Variants in POC5 observed in about 807,000 individuals in gnomAD.
POC5 encodes the protein centrosomal protein POC5.
In POC5, 48 loss-of-function variants were observed where a neutral mutation model predicts 62.9. That is an observed-to-expected ratio of 0.76 (90% confidence interval 0.61 to 0.97). The LOEUF is 0.97. Ranked by LOEUF, POC5 falls within the 50% of genes least tolerant of loss-of-function variation. The probability of loss-of-function intolerance (pLI) is 0.00; values close to 1 mark genes in which losing one functional copy is unlikely to be tolerated. For missense variants in POC5, 696 were observed against 679.5 expected (o/e 1.02, Z -0.27); for synonymous variants, 236 against 228.2 (o/e 1.03, Z -0.31).
chr5:75,674,538 G>A lies in POC5; in HGVS notation c.1625C>T (p.Thr542Ile). 6.2e-7 allele frequency: 1 copy of A among 1,614,006 alleles called. No individual in the cohort carries two copies. Among genetic ancestry groups the A allele is most frequent in the Non-Finnish European group, 8.5e-7 (1 of 1,179,888 alleles). Residue 542 changes from threonine (T) to isoleucine (I), a missense_variant, in exon 12 of 12, where the codon ACC becomes ATC. Thr to Ile is a moderately conservative substitution (Grantham distance 89, BLOSUM62 -1). Coordinates refer to ENST00000428202, the MANE Select transcript of POC5 (RefSeq NM_001099271.2). ...PQATAAKYPR[T>I]IHPESSTSAS... ...TGAGGTACTACTTTCAGGATGAATG[G>A]TCCGGGGATATTTTGCTGCAGTTGC...
intron 9 of POC5, 87 bp from the exon 10 acceptor site, chr5:75,685,571 A>C (rs540536570): frequency 7.2e-7 from 1 of 1,395,756 alleles, no homozygotes; most frequent in African/African-American, 1.4e-5. Flanking sequence ...TACTGGCTAA[A>C]GTTTGGTCCT....
chr5:75,677,966 A>C lies in POC5; in HGVS notation c.1408-16T>G, dbSNP rs1775736148. On this transcript the variant is annotated splice_polypyrimidine_tract_variant and intron_variant, in intron 10 of 11. Transcript: ENST00000428202. ...TTGGCACATACTAAGAAGAAAAAAA[A>C]ATAAAAGAAGTAACAAGGTGGCAGA... 2 of 1,483,796 alleles carry C rather than the reference A, an allele frequency of 1.3e-6. No homozygotes were observed. The highest frequency in any genetic ancestry group is 1.8e-6 in the Non-Finnish European group (2 of 1,113,052). The allele number at this position is 1,483,796 out of a possible 1,614,324, so 91.9% of individuals were successfully genotyped here. A position where few individuals can be genotyped will look rare whatever the true frequency, so the allele number is the denominator to read the frequency against.
intron 9 of POC5, 59 bp downstream of exon 9, chr5:75,688,953 C>CA (rs755226705): frequency 1.4e-6 from 2 of 1,449,216 alleles, no homozygotes; most frequent in African/African-American, 1.4e-5. Context: ...TACCAATCAC[C>CA]AAAATCTCCT....
chr5:75,699,646 GA>G (rs1776777844), intron 5 of POC5, among the ~76,000 whole-genome samples: 1 of 138,896 alleles, frequency 7.2e-6, no homozygotes, highest in Non-Finnish European at 1.6e-5. Context: ...CATTCCCTTT[GA>G]AAACTGGTAC....
chr5:75,677,913 G>C lies in POC5; in HGVS notation c.1445C>G (p.Ala482Gly). ...PRVVTSAQQKAGRTITARITG... is the reference protein window; with the variant it reads ...PRVVTSAQQKGGRTITARITG... ...GATCCGGGCTGTAATAGTTCTTCCT[G>C]CTTTCTGTTGTGCAGAGGTTACAAC... The change falls in exon 11 of 12, where the codon GCA becomes GGA. Residue 482 changes from alanine (A) to glycine (G), a missense_variant. Physicochemically the swap from Ala to Gly is moderately conservative, Grantham distance 60. Coordinates refer to ENST00000428202, the MANE Select transcript of POC5 (RefSeq NM_001099271.2). 6.2e-7 allele frequency: 1 copy of C among 1,607,936 alleles called. No homozygotes were observed. Among genetic ancestry groups the C allele is most frequent in the Non-Finnish European group, 8.5e-7 (1 of 1,177,022 alleles).
At chr5:75,677,732 G>A in intron 11 of POC5, 42 bp downstream of exon 11, 1 of 1,492,606 alleles carries the variant, frequency 6.7e-7, no homozygotes, top group Non-Finnish European at 8.9e-7. Flanking sequence ...GAACTCTCAG[G>A]AAAAAGACTT....
chr5:75,704,868 C>A (rs964836554), intron 4 of POC5, among the ~76,000 whole-genome samples: 4 of 152,024 alleles, frequency 2.6e-5, no homozygotes, highest in African/African-American at 9.7e-5. Context: ...TCTGACTAGT[C>A]AAGAAAAAAG....
chr5:75,687,295 G>A (rs1484588966), intron 9 of POC5, among the ~76,000 whole-genome samples: 17 of 152,146 alleles, frequency 1.1e-4, no homozygotes, highest in Non-Finnish European at 1.5e-5. Flanking sequence ...CTCCCAAAGT[G>A]CTGGGATTAC....
chr5:75,705,767 C>T lies in POC5; in HGVS notation c.244G>A (p.Glu82Lys), dbSNP rs780039150. ...CCTTTTCCAACTTCTATTGCAGTTT[C>T]TCTTACTTCAGAGTTATTTCCTGCC... is the stretch of plus-strand genomic sequence containing the variant. Reference protein sequence around the residue: ...HSQGNNSEVRETAIEVGKGCD... With the variant: ...HSQGNNSEVRKTAIEVGKGCD... Residue 82 changes from glutamate (E) to lysine (K), a missense_variant, in exon 4 of 12, where the codon GAA (glutamate) becomes AAA (lysine). By Grantham distance (56) the Glu-to-Lys change is moderately conservative. Transcript: ENST00000428202. 2 of 1,550,442 alleles carry T rather than the reference C, an allele frequency of 1.3e-6. No individual in the cohort carries two copies. The highest frequency in any genetic ancestry group is 2.0e-5 in the Admixed American group (1 of 50,080).
intron 9 of POC5, among the ~76,000 whole-genome samples, chr5:75,687,173 G>C: frequency 6.6e-6 from 1 of 152,060 alleles, no homozygotes; most frequent in South Asian, 2.1e-4. Context: ...TGGGACTACA[G>C]GTGCCTGCCA....
chr5:75,714,161 C>T (rs1387760709), intron 1 of POC5, among the ~76,000 whole-genome samples: 1 of 152,188 alleles, frequency 6.6e-6, no homozygotes, highest in African/African-American at 2.4e-5. Context: ...AGGTGGATCA[C>T]CTGAGGTCAG....
At chr5:75,713,734 G>C (rs892646803) in intron 1 of POC5, among the ~76,000 whole-genome samples, 1 of 152,218 alleles carries the variant, frequency 6.6e-6, no homozygotes, top group African/African-American at 2.4e-5. Context: ...AAAGTTTTTA[G>C]AGAAGATGAC....
chr5:75,711,178 TA>T (rs1777329802), intron 2 of POC5, among the ~76,000 whole-genome samples: 1 of 152,204 alleles, frequency 6.6e-6, no homozygotes, highest in African/African-American at 2.4e-5. Flanking sequence ...TATTTAAAAA[TA>T]AAATTTAAAA....
chr5:75,681,869 C>A (rs1775879903), intron 10 of POC5, among the ~76,000 whole-genome samples: 2 of 152,166 alleles, frequency 1.3e-5, no homozygotes, highest in African/African-American at 4.8e-5. Context: ...CTATTCCCAA[C>A]AATGATGGTT....
chr5:75,688,970 T>G (rs1434459673), intron 9 of POC5, 42 bp downstream of exon 9: 1 of 1,481,996 alleles, frequency 6.7e-7, no homozygotes, highest in Non-Finnish European at 9.0e-7. Flanking sequence ...TCCTCAAATC[T>G]TTTTTTGAAA....
At chr5:75,688,871 G>T in intron 9 of POC5, 141 bp downstream of exon 9, 1 of 840,424 alleles carries the variant, frequency 1.2e-6, no homozygotes, top group Non-Finnish European at 1.6e-6. Context: ...GTCTGGATAT[G>T]ACACCATAGA....
In POC5 at chr5:75,705,923, A is replaced by C. The variant is rs1041592238; in HGVS notation, c.224-136T>G. On this transcript the variant is annotated intron_variant, in intron 3 of 11. Coordinates refer to ENST00000428202, the MANE Select transcript of POC5 (RefSeq NM_001099271.2). Reference sequence around the variant, plus strand: ...TACAACATGCTGGGGATATAGGAACACTAAAACAAAGGACAAGAACAGATA... The same window carrying C: ...TACAACATGCTGGGGATATAGGAACCCTAAAACAAAGGACAAGAACAGATA... 7.3e-6 allele frequency: 4 copies of C among 549,252 alleles called. No individual in the cohort carries two copies. In the African/African-American group the frequency reaches 7.8e-5, roughly 11 times the overall value. The allele number at this position is 549,252 out of a possible 1,614,324, so 34.0% of individuals were successfully genotyped here. A position where few individuals can be genotyped will look rare whatever the true frequency, so the allele number is the denominator to read the frequency against.
intron 9 of POC5, among the ~76,000 whole-genome samples, chr5:75,687,638 A>T (rs1776152289): frequency 6.6e-6 from 1 of 152,340 alleles, no homozygotes; most frequent in South Asian, 2.1e-4. Flanking sequence ...TAGGAGACAC[A>T]GTTGCATTTC....
chr5:75,685,455 C>CT lies in POC5; in HGVS notation c.1158dup (p.Glu387ArgfsTer109). 6.2e-7 allele frequency: 1 copy of CT among 1,611,818 alleles called. No individual in the cohort carries two copies. The highest frequency in any genetic ancestry group is 8.5e-7 in the Non-Finnish European group (1 of 1,178,084). On this transcript the variant is annotated frameshift_variant, in exon 10 of 12. Coordinates refer to ENST00000428202, the MANE Select transcript of POC5 (RefSeq NM_001099271.2). LOFTEE classifies it high-confidence loss of function. ...TTTCCTTGAACACCAGGACCATACT[C>CT]TTCCTTTTTATTATTTGTGGAGTCT...
Sources: allele counts gnomAD v4.1 joint callset (sites outside exome capture counted in the v4.1 genomes callset), GRCh38; gene constraint gnomAD v4.1.1; transcripts MANE v1.5; gene names NCBI Gene and HGNC (gene_info 2026-07-23, HGNC 2026-07-21).